PDGFB: variants seen among roughly 807,000 people sequenced by gnomAD.
PDGFB encodes platelet-derived growth factor subunit B.
Under a neutral mutation model 29.0 loss-of-function variants are expected in PDGFB, and 6 were observed. The ratio of observed to expected loss-of-function variants is 0.21; its 90% CI spans 0.11 to 0.41. The LOEUF is 0.41. Ranked by LOEUF, PDGFB falls within the 10% of genes least tolerant of loss-of-function variation. The pLI is 1.00. For synonymous variants in PDGFB, 144 were observed against 140.8 expected (o/e 1.02, Z -0.16); for missense variants, 299 against 341.8 (o/e 0.87, Z 0.99).
At chr22:39,233,399 A>C in intron 3 of PDGFB, 36 bp downstream of exon 3, 2 of 1,495,448 alleles carry the variant, frequency 1.3e-6, no homozygotes, top group Non-Finnish European at 1.8e-6. Context: ...CCCCCATGCT[A>C]ATTTGAAGGA....
In PDGFB at chr22:39,225,814, G is replaced by C. The variant is rs114786489; in HGVS notation, c.635C>G (p.Thr212Arg). The C allele has an allele frequency of 6.2e-7, 1 of 1,613,792 alleles. No homozygotes were observed. The highest frequency in any genetic ancestry group is 8.5e-7 in the Non-Finnish European group (1 of 1,179,806). ...KTPQTRVTIR[T>R]VRVRRPPKGK... ...CTTGGGGGGCCGGCGGACTCGCACC[G>C]TCCGAATGGTCACCCGAGTTTGGGG... is the stretch of plus-strand genomic sequence containing the variant. The change falls in exon 6 of 7, where the codon ACG (threonine) becomes AGG (arginine). Residue 212 changes from threonine to arginine, a missense_variant. Transcript: ENST00000331163.
At position 39,243,315 on chromosome 22, in the gene PDGFB, A is replaced by G. The variant is rs374885881; in HGVS notation, c.63+586T>C. ...CTCTCTCCCTGTTACTCCCACCCCA[A>G]ACCCCGCGCCCGAGACACAAGCTGC... is the stretch of plus-strand genomic sequence containing the variant. On this transcript the variant is annotated intron_variant, in intron 1 of 6. Coordinates refer to ENST00000331163, the MANE Select transcript of PDGFB (RefSeq NM_002608.4). This position sits in a 1 kb window ranked among gnomAD's most constrained non-coding sequence, Gnocchi z 6.4. Among the ~76,000 whole-genome samples, 96 of 128,366 alleles carry G rather than the reference A, an allele frequency of 7.5e-4. No individual in the cohort carries two copies. The highest frequency in any genetic ancestry group is 2.9e-3 in the African/African-American group (94 of 32,086). 84.2% of individuals were successfully genotyped at this position (128,366 alleles called of 152,430 possible).
In PDGFB at chr22:39,241,053, C is replaced by T. The variant is rs1006630985; in HGVS notation, c.63+2848G>A. ...ATTCCAGCAGTTGGTCTCCTGCCCCCTAGGGCCATTAGCAAAGCCAGAGGA... is the reference window on the plus strand; with the variant it reads ...ATTCCAGCAGTTGGTCTCCTGCCCCTTAGGGCCATTAGCAAAGCCAGAGGA... On this transcript the variant is annotated intron_variant, in intron 1 of 6. Transcript: ENST00000331163. 1.8e-4 allele frequency: 127 copies of T among 686,510 alleles called. No homozygotes were observed. The African/African-American group carries it at 2.0e-3, about 11-fold the overall frequency. 42.5% of individuals were successfully genotyped at this position (686,510 alleles called of 1,614,324 possible).
chr22:39,235,834 T>C lies in PDGFB; in HGVS notation c.104A>G (p.Asp35Gly), dbSNP rs1932429920. The stretch of plus-strand genomic sequence containing the variant: ...ATCATCAAAGGAGCGGATCGAGTGG[T>C]CACTCAGCATCTCATAAAGCTCCTC... Reference protein sequence around the residue: ...IPEELYEMLSDHSIRSFDDLQ... With the variant: ...IPEELYEMLSGHSIRSFDDLQ... The change falls in exon 2 of 7, where the codon GAC becomes GGC. Residue 35 changes from aspartate to glycine, a missense_variant. Asp to Gly is a moderately conservative substitution (Grantham distance 94, BLOSUM62 -1). Transcript: ENST00000331163. 1 of 1,613,846 alleles carries C rather than the reference T, an allele frequency of 6.2e-7. No individual in the cohort carries two copies. The highest frequency in any genetic ancestry group is 1.3e-5 in the African/African-American group (1 of 74,924).
At chr22:39,240,215 A>G (rs888081128) in intron 1 of PDGFB, among the ~76,000 whole-genome samples, 5 of 152,204 alleles carry the variant, frequency 3.3e-5, no homozygotes, top group African/African-American at 1.2e-4. Flanking sequence ...AAGCAGGAAG[A>G]GAGGAACCAG....
In PDGFB at chr22:39,223,481, C is replaced by T. The variant is rs943703069; in HGVS notation, c.*1861G>A. 1 of 152,374 alleles carries T rather than the reference C, an allele frequency of 6.6e-6. No homozygotes were observed. The highest frequency in any genetic ancestry group is 1.5e-5 in the Non-Finnish European group (1 of 68,096). The allele number at this position is 152,374 out of a possible 1,614,324, so 9.4% of individuals were successfully genotyped here. On this transcript the variant is annotated 3_prime_UTR_variant, in exon 7 of 7. Coordinates refer to ENST00000331163, the MANE Select transcript of PDGFB (RefSeq NM_002608.4). ...TCTTCTTCCCGCCAGACAGAGGCCT[C>T]CCCCAAGTTGCAGGCCTGCGTGTAT...
chr22:39,235,588 C>G (rs1160721242), intron 2 of PDGFB, among the ~76,000 whole-genome samples, 190 bp downstream of exon 2: 1 of 152,244 alleles, frequency 6.6e-6, no homozygotes, highest in African/African-American at 2.4e-5. Flanking sequence ...TGCCACACCC[C>G]AAGTCCCAGG....
At chr22:39,239,669 G>A (rs952433519) in intron 1 of PDGFB, among the ~76,000 whole-genome samples, 9 of 152,208 alleles carry the variant, frequency 5.9e-5, no homozygotes, top group Admixed American at 5.9e-4. Flanking sequence ...AGGGCGTGGC[G>A]AGGAGGCAGC....
intron 4 of PDGFB, 68 bp from the exon 5 acceptor site, chr22:39,230,296 G>C: frequency 6.5e-7 from 1 of 1,540,786 alleles, no homozygotes. Flanking sequence ...AGCCCGAATG[G>C]CTTGCGCTTC....
chr22:39,239,730 G>A (rs933611955), intron 1 of PDGFB, among the ~76,000 whole-genome samples: 19 of 152,292 alleles, frequency 1.2e-4, no homozygotes, highest in African/African-American at 3.6e-4. Flanking sequence ...CTCCGACCCC[G>A]CCCCCAGCGC....
chr22:39,243,023 C>T lies in PDGFB; in HGVS notation c.63+878G>A, dbSNP rs1050790634. ...CGCTCCCTCAGATGTTTTTATACCC[C>T]ATCTCCCGTGCAGCTAGGCTTTTGC... On this transcript the variant is annotated intron_variant, in intron 1 of 6. Coordinates refer to ENST00000331163, the MANE Select transcript of PDGFB (RefSeq NM_002608.4). This position sits in a 1 kb window ranked among gnomAD's most constrained non-coding sequence, Gnocchi z 6.4. 5 of 233,010 alleles carry T rather than the reference C, an allele frequency of 2.1e-5. No homozygotes were observed. The highest frequency in any genetic ancestry group is 4.2e-5 in the Non-Finnish European group (5 of 117,944). 14.4% of individuals were successfully genotyped at this position (233,010 alleles called of 1,614,324 possible). A position where few individuals can be genotyped will look rare whatever the true frequency, so the allele number is the denominator to read the frequency against.
chr22:39,230,503 G>C (rs1932274171), intron 4 of PDGFB, among the ~76,000 whole-genome samples: 1 of 152,242 alleles, frequency 6.6e-6, no homozygotes, highest in African/African-American at 2.4e-5. Context: ...TTTCCGGGTT[G>C]AGCTGGGGCC....
rs1207769785 is a variant in PDGFB, at chr22:39,225,844, T to A, written c.605A>T (p.Lys202Ile). The A allele has an allele frequency of 6.2e-7, 1 of 1,610,920 alleles. No individual in the cohort carries two copies. The highest frequency in any genetic ancestry group is 2.2e-5 in the East Asian group (1 of 44,748). ...AATGGTCACCCGAGTTTGGGGCGTT[T>A]TGGCTGCACAAGAAAAAGAAAGACC... ...SPGGSQEQRA[K>I]TPQTRVTIRT... Residue 202 changes from lysine to isoleucine, a missense_variant, in exon 6 of 7, where the codon AAA becomes ATA. Coordinates refer to ENST00000331163, the MANE Select transcript of PDGFB (RefSeq NM_002608.4).
rs1428838615 is a variant in PDGFB, at chr22:39,242,349, G to C, written c.63+1552C>G. 1 of 207,132 alleles carries C rather than the reference G, an allele frequency of 4.8e-6. No individual in the cohort carries two copies. The highest frequency in any genetic ancestry group is 2.3e-5 in the African/African-American group (1 of 43,792). 12.8% of individuals were successfully genotyped at this position (207,132 alleles called of 1,614,324 possible). The stretch of plus-strand genomic sequence containing the variant: ...GGGGTGGGCTGCGGAGAGCAGCCAC[G>C]GGGCGCCGCCGTTCCCAGGACGCCC... On this transcript the variant is annotated intron_variant, in intron 1 of 6. Transcript: ENST00000331163. This position sits in a 1 kb window ranked among gnomAD's most constrained non-coding sequence, Gnocchi z 5.7.
Position 39,231,121 on chromosome 22 carries a change from T to C in PDGFB, c.456+501A>G, listed in dbSNP as rs546234753. Among the ~76,000 whole-genome samples, 22 of 151,880 alleles carry C rather than the reference T, an allele frequency of 1.4e-4. No homozygotes were observed. In the South Asian group the frequency reaches 4.6e-3, roughly 32 times the overall value. On this transcript the variant is annotated intron_variant, in intron 4 of 6. Coordinates refer to ENST00000331163, the MANE Select transcript of PDGFB (RefSeq NM_002608.4). The surrounding 1 kb of genome is among the most constrained non-coding windows in gnomAD (Gnocchi z 4.3). ...ACCTGGTGGGCCTCTCTGCACTCTC[T>C]TTATTAAAGACACAGCTTGTCAAAG...
At position 39,236,299 on chromosome 22, in the gene PDGFB, G is replaced by A. The variant is rs1601600439; in HGVS notation, c.64-425C>T. 4.6e-5 allele frequency among the ~76,000 whole-genome samples: 7 copies of A among 152,358 alleles called. 2 individuals are homozygous for A. On this transcript the variant is annotated intron_variant, in intron 1 of 6. Transcript: ENST00000331163. ...AGAGGGGAAAACAAACGTTCAAAGAGAGGCTCAATTATTGGCAAAAGCTGC... is the reference window on the plus strand; with the variant it reads ...AGAGGGGAAAACAAACGTTCAAAGAAAGGCTCAATTATTGGCAAAAGCTGC...
intron 4 of PDGFB, among the ~76,000 whole-genome samples, chr22:39,230,800 T>A (rs1402644612): frequency 1.3e-5 from 2 of 152,032 alleles, no homozygotes; most frequent in Non-Finnish European, 2.9e-5. Flanking sequence ...GAGAAGGAAG[T>A]GCGGCTAAGC....
chr22:39,226,082 G>T (rs1932159078), intron 5 of PDGFB, among the ~76,000 whole-genome samples: 1 of 152,216 alleles, frequency 6.6e-6, no homozygotes, highest in Non-Finnish European at 1.5e-5. Flanking sequence ...GGGGTAATAA[G>T]ACTGCCCACC....
rs951595727 is a variant in PDGFB at position 39,243,471 on chromosome 22, T to C, written c.63+430A>G. ...GCGTGGATGGCACCGGTGCGCAAGC[T>C]TGCACCTCCTGGGCAAGCCGATGGC... On this transcript the variant is annotated intron_variant, in intron 1 of 6. Coordinates refer to ENST00000331163, the MANE Select transcript of PDGFB (RefSeq NM_002608.4). The surrounding 1 kb of genome is among the most constrained non-coding windows in gnomAD (Gnocchi z 6.4). 6.6e-6 allele frequency among the ~76,000 whole-genome samples: 1 copy of C among 152,050 alleles called. No homozygotes were observed. Among genetic ancestry groups the C allele is most frequent in the African/African-American group, 2.4e-5 (1 of 41,400 alleles).
Sources: allele counts gnomAD v4.1 joint callset (sites outside exome capture counted in the v4.1 genomes callset), GRCh38; gene constraint gnomAD v4.1.1; non-coding constraint Gnocchi (gnomAD v3.1); transcripts MANE v1.5; gene names NCBI Gene and HGNC (gene_info 2026-07-23, HGNC 2026-07-21).